Variants in PPARG observed in about 807,000 individuals in gnomAD.
The protein encoded by PPARG is peroxisome proliferator activated receptor gamma.
Under a neutral mutation model 39.2 loss-of-function variants are expected in PPARG, and 17 were observed. The observed-to-expected ratio is 0.43, with a 90% CI of 0.30 to 0.65. The LOEUF is 0.65. Ranked by LOEUF, PPARG falls within the 30% of genes least tolerant of loss-of-function variation. The probability of loss-of-function intolerance (pLI) is 0.13; values close to 1 mark genes in which losing one functional copy is unlikely to be tolerated. For missense variants in PPARG, 406 were observed against 585.9 expected, an observed-to-expected ratio of 0.69 and a Z score of 3.17; for synonymous variants, 223 against 215.7, an observed-to-expected ratio of 1.03 and a Z score of -0.30.
chr3:12,429,849 C>T (rs927514384), intron 7 of PPARG, among the ~76,000 whole-genome samples: 1 of 152,196 alleles, frequency 6.6e-6, no homozygotes, highest in Non-Finnish European at 1.5e-5. Flanking sequence ...AGACCCCATG[C>T]TCCCAGGGGC....
At chr3:12,380,431 T>G (rs890877752) in intron 3 of PPARG, among the ~76,000 whole-genome samples, 3 of 152,232 alleles carry the variant, frequency 2.0e-5, no homozygotes, top group African/African-American at 7.2e-5. Flanking sequence ...TTGTAGCCTA[T>G]TGATAAATTT....
In PPARG at chr3:12,310,618, T is replaced by C. The variant is rs1224549782; in HGVS notation, c.-82-1762T>C. 3.1e-4 allele frequency among the ~76,000 whole-genome samples: 38 copies of C among 122,980 alleles called. 6 individuals are homozygous for C. The highest frequency in any genetic ancestry group is 3.5e-4 in the Admixed American group (4 of 11,564). 80.7% of individuals were successfully genotyped at this position (122,980 alleles called of 152,430 possible). ...AGCTGGGACTACAGGCGCCCGCCAC[T>C]ACGCCCGGCTAATTTTTTGTATTTT... On this transcript the variant is annotated intron_variant, in intron 1 of 7. Coordinates refer to ENST00000651735, the MANE Select transcript of PPARG (RefSeq NM_138711.6).
intron 4 of PPARG, among the ~76,000 whole-genome samples, chr3:12,390,041 C>T: frequency 6.6e-6 from 1 of 152,110 alleles, no homozygotes; most frequent in South Asian, 2.1e-4. Flanking sequence ...TAATATCTAG[C>T]ATATTTTTTA....
chr3:12,346,579 T>C (rs550950754), intron 2 of PPARG, among the ~76,000 whole-genome samples: 1 of 152,168 alleles, frequency 6.6e-6, no homozygotes, highest in South Asian at 2.1e-4. Flanking sequence ...TTTCTACTGC[T>C]TCTGAGTTAA....
At chr3:12,325,350 G>C (rs940242154) in intron 2 of PPARG, among the ~76,000 whole-genome samples, 1 of 152,222 alleles carries the variant, frequency 6.6e-6, no homozygotes, top group Non-Finnish European at 1.5e-5. Flanking sequence ...CAACCCAAGA[G>C]GCGGAGGTTG....
At chr3:12,358,802 G>A (rs762381392) in intron 2 of PPARG, among the ~76,000 whole-genome samples, 1 of 152,136 alleles carries the variant, frequency 6.6e-6, no homozygotes, top group Non-Finnish European at 1.5e-5. Context: ...AGTTAACTCA[G>A]GAGAAACCAA....
At chr3:12,421,658 G>A (rs1042263926) in intron 7 of PPARG, among the ~76,000 whole-genome samples, 13 of 152,180 alleles carry the variant, frequency 8.5e-5, no homozygotes, top group Non-Finnish European at 1.6e-4. Flanking sequence ...TCCAAGATAC[G>A]GGGGAGGAAA....
intron 2 of PPARG, among the ~76,000 whole-genome samples, chr3:12,362,826 T>C (rs1158289632): frequency 6.6e-6 from 1 of 152,098 alleles, no homozygotes; most frequent in Non-Finnish European, 1.5e-5. Flanking sequence ...TTTTTATAGA[T>C]TTTCTTTAGC....
chr3:12,317,197 A>G (rs2047413746), intron 2 of PPARG, among the ~76,000 whole-genome samples: 2 of 152,326 alleles, frequency 1.3e-5, no homozygotes, highest in South Asian at 2.1e-4. Flanking sequence ...AACATAGGCA[A>G]TGCTTACTGC....
At chr3:12,376,929 C>T (rs530683611) in intron 2 of PPARG, among the ~76,000 whole-genome samples, 20 of 152,228 alleles carry the variant, frequency 1.3e-4, no homozygotes, top group South Asian at 1.2e-3. Flanking sequence ...CTCTGTCTCC[C>T]GTGTGAGCAG....
chr3:12,359,199 C>T (rs566402833), intron 2 of PPARG, among the ~76,000 whole-genome samples: 42 of 152,304 alleles, frequency 2.8e-4, no homozygotes, highest in African/African-American at 9.6e-4. Flanking sequence ...GCCTGAAAAA[C>T]ACCTTGCACG....
At position 12,416,784 on chromosome 3, in the gene PPARG, G is replaced by C; in HGVS notation, c.810G>C (p.Glu270Asp). The C allele has an allele frequency of 4.3e-6, 7 of 1,614,138 alleles. No individual in the cohort carries two copies. Among genetic ancestry groups the C allele is most frequent in the Non-Finnish European group, 5.9e-6 (7 of 1,179,990 alleles). Residue 270 changes from glutamate to aspartate, a missense_variant, in exon 7 of 8, where the codon GAG becomes GAC. By Grantham distance (45) the Glu-to-Asp change is conservative (BLOSUM62 2). Coordinates refer to ENST00000651735, the MANE Select transcript of PPARG (RefSeq NM_138711.6). ...IKFKHITPLQEQSKEVAIRIF... is the reference protein window; with the variant it reads ...IKFKHITPLQDQSKEVAIRIF... Reference sequence around the variant, plus strand: ...TCAAACACATCACCCCCCTGCAGGAGCAGAGCAAAGAGGTGGCCATCCGCA... The same window carrying C: ...TCAAACACATCACCCCCCTGCAGGACCAGAGCAAAGAGGTGGCCATCCGCA...
At chr3:12,303,627 C>T (rs942681691) in intron 1 of PPARG, among the ~76,000 whole-genome samples, 1 of 151,936 alleles carries the variant, frequency 6.6e-6, no homozygotes, top group Non-Finnish European at 1.5e-5. Context: ...AATAGTCCTT[C>T]TTTGTCAAAG....
At chr3:12,382,526 A>G (rs1022604044) in intron 4 of PPARG, among the ~76,000 whole-genome samples, 4 of 152,216 alleles carry the variant, frequency 2.6e-5, no homozygotes, top group African/African-American at 7.2e-5. Context: ...ACAGTTAGGA[A>G]AGTTTTAGGA....
intron 7 of PPARG, among the ~76,000 whole-genome samples, chr3:12,425,494 C>T (rs2051408583): frequency 6.6e-6 from 1 of 152,084 alleles, no homozygotes; most frequent in Admixed American, 6.5e-5. Flanking sequence ...CTTATCTCTT[C>T]CTTTCCCTCC....
intron 7 of PPARG, among the ~76,000 whole-genome samples, chr3:12,419,869 C>T (rs796289): frequency 0.014 from 2,137 of 151,550 alleles, 23 homozygotes; most frequent in Middle Eastern, 0.028. Flanking sequence ...ACTATATATC[C>T]CATGTCTATT....
intron 7 of PPARG, among the ~76,000 whole-genome samples, chr3:12,423,596 A>G (rs542554650): frequency 6.6e-6 from 1 of 152,230 alleles, no homozygotes; most frequent in African/African-American, 2.4e-5. Context: ...AGTGCCTTCC[A>G]CCCCCTCTTC....
At chr3:12,326,394 G>C (rs2047695305) in intron 2 of PPARG, among the ~76,000 whole-genome samples, 2 of 152,104 alleles carry the variant, frequency 1.3e-5, no homozygotes, top group Non-Finnish European at 2.9e-5. Context: ...TCATACAGTG[G>C]AAAAGTTACA....
At chr3:12,333,703 C>T (rs182747385) in intron 2 of PPARG, among the ~76,000 whole-genome samples, 22 of 152,320 alleles carry the variant, frequency 1.4e-4, no homozygotes, top group Non-Finnish European at 4.4e-5. Flanking sequence ...AGGCTCCACA[C>T]TTCCTTTCTG....
Sources: allele counts gnomAD v4.1 joint callset (sites outside exome capture counted in the v4.1 genomes callset), GRCh38; gene constraint gnomAD v4.1.1; transcripts MANE v1.5; gene names NCBI Gene and HGNC (gene_info 2026-07-23, HGNC 2026-07-21).